The following GALNT9 variants were observed in gnomAD, a reference collection of about 807,000 sequenced individuals.
GALNT9 encodes polypeptide N-acetylgalactosaminyltransferase 9, also known as GalNAc transferase 9.
GALNT9 carries 47 observed loss-of-function variants against 63.1 expected under a neutral mutation model. The ratio of observed to expected loss-of-function variants is 0.75; its 90% confidence interval spans 0.59 to 0.95. The LOEUF is 0.95. GALNT9 is among the 40% of genes least tolerant of loss of function. The pLI is 0.00. For missense variants in GALNT9, 829 were observed against 874.8 expected (o/e 0.95, Z 0.66); for synonymous variants, 396 against 365.7 (o/e 1.08, Z -0.94).
Position 132,215,008 on chromosome 12 carries a change from G to A in GALNT9, c.1078-11318C>T, listed in dbSNP as rs868407964. ...GGCTGTGAGAGTGGAGAAACCTGCC[G>A]GCCTCTGTAGCACCCTCCGCTGGTG... On this transcript the variant is annotated intron_variant, in intron 6 of 10. Transcript: ENST00000328957. Among the ~76,000 whole-genome samples, 25 of 152,348 alleles carry A rather than the reference G, an allele frequency of 1.6e-4. 1 individual carries two copies. Among genetic ancestry groups the A allele is most frequent in the South Asian group, 1.5e-3 (7 of 4,826 alleles).
At chr12:132,239,659 CAGAGAGAGACAGAG>C (rs1878167157) in intron 6 of GALNT9, among the ~76,000 whole-genome samples, 1 of 148,330 alleles carries the variant, frequency 6.7e-6, no homozygotes, top group Non-Finnish European at 1.5e-5. Flanking sequence ...GAGTCAGAGA[CAGAGAGAGACAGAG>C]AGACAAAGAG....
In GALNT9 at chr12:132,207,641, C is replaced by T. The variant is rs181811425; in HGVS notation, c.1078-3951G>A. Among the ~76,000 whole-genome samples, 332 of 152,282 alleles carry T rather than the reference C, an allele frequency of 2.2e-3. 2 individuals are homozygous for T. Among genetic ancestry groups the T allele is most frequent in the African/African-American group, 7.5e-3 (313 of 41,560 alleles). On this transcript the variant is annotated intron_variant, in intron 6 of 10. Coordinates refer to ENST00000328957, the MANE Select transcript of GALNT9 (RefSeq NM_001122636.2). ...CTACGGGAGAGGCGAGGCTCCCGGG[C>T]GGTGGGAGTCGGCCAACTTCCATCA...
rs184949568 is a variant in GALNT9, at chr12:132,255,766, T to C, written c.959+1923A>G. Among the ~76,000 whole-genome samples the C allele has an allele frequency of 7.2e-5, 11 of 152,250 alleles. No homozygotes were observed. In the East Asian group the frequency reaches 1.9e-3, roughly 27 times the overall value. ...ATTCCTTCTCCCTAAAACATACACA[T>C]CCAGCAGGCTGCACGCCTGCACGCT... is the stretch of plus-strand genomic sequence containing the variant. On this transcript the variant is annotated intron_variant, in intron 5 of 10. Transcript: ENST00000328957.
chr12:132,257,985 G>C, intron 4 of GALNT9, 99 bp from the exon 5 acceptor site: 1 of 804,998 alleles, frequency 1.2e-6, no homozygotes, highest in Non-Finnish European at 2.0e-6. Flanking sequence ...TCCCCACCTG[G>C]TCTGCATCTA....
At chr12:132,312,083 A>C (rs79708202) in intron 1 of GALNT9, among the ~76,000 whole-genome samples, 22,749 of 152,212 alleles carry the variant, frequency 0.15, 1,927 homozygotes, top group South Asian at 0.24. Flanking sequence ...TTTTAAGATT[A>C]CCTGGGGACC....
At chr12:132,222,637 T>C (rs1042040384) in intron 6 of GALNT9, among the ~76,000 whole-genome samples, 6 of 151,892 alleles carry the variant, frequency 4.0e-5, no homozygotes, top group Non-Finnish European at 8.8e-5. Context: ...TCAGGCTNGT[T>C]AGCCACGGAG....
rs1173874958 is a variant in GALNT9 at position 132,196,539 on chromosome 12, G to C, written c.*568C>G. On this transcript the variant is annotated 3_prime_UTR_variant, in exon 11 of 11. Coordinates refer to ENST00000328957, the MANE Select transcript of GALNT9 (RefSeq NM_001122636.2). ...CTAATCCTCTCTTTATTTGGTCTCT[G>C]CTGAAGCAGTCGTGCCAGCCTCCTA... The C allele has an allele frequency of 2.0e-6, 2 of 986,380 alleles. No homozygotes were observed. The highest frequency in any genetic ancestry group is 2.4e-6 in the Non-Finnish European group (2 of 830,618). The allele number at this position is 986,380 out of a possible 1,614,324, so 61.1% of individuals were successfully genotyped here.
chr12:132,309,729 A>G (rs142678616), intron 1 of GALNT9, among the ~76,000 whole-genome samples: 1 of 152,204 alleles, frequency 6.6e-6, no homozygotes, highest in African/African-American at 2.4e-5. Flanking sequence ...CCTCCAGAAC[A>G]GAGAGAGCGT....
At chr12:132,202,678 C>T (rs1028680201) in intron 7 of GALNT9, among the ~76,000 whole-genome samples, 6 of 152,002 alleles carry the variant, frequency 3.9e-5, no homozygotes, top group Non-Finnish European at 7.3e-5. Flanking sequence ...CAGACAAGCC[C>T]GTTTCTAAGA....
chr12:132,313,676 ACC>A (rs1881903141), intron 1 of GALNT9, among the ~76,000 whole-genome samples: 1 of 128,918 alleles, frequency 7.8e-6, no homozygotes, highest in Non-Finnish European at 1.6e-5. Flanking sequence ...CCATCCACCC[ACC>A]CACCCATCCA....
At position 132,303,463 on chromosome 12, in the gene GALNT9, G is replaced by A. The variant is rs369914275; in HGVS notation, c.239-17033C>T. Among the ~76,000 whole-genome samples, 446 of 58,702 alleles carry A rather than the reference G, an allele frequency of 7.6e-3. 25 individuals are homozygous for A. The highest frequency in any genetic ancestry group is 0.024 in the Middle Eastern group (2 of 82). The allele number at this position is 58,702 out of a possible 152,430, so 38.5% of individuals were successfully genotyped here. Reference sequence around the variant, plus strand: ...CCCTCGCCCGGGCACACCCTCGCCCGGACACACCCTCACCCGGGCACAGAA... The same window carrying A: ...CCCTCGCCCGGGCACACCCTCGCCCAGACACACCCTCACCCGGGCACAGAA... On this transcript the variant is annotated intron_variant, in intron 1 of 10. Transcript: ENST00000328957.
At chr12:132,292,717 C>T (rs924567424) in intron 1 of GALNT9, among the ~76,000 whole-genome samples, 11 of 152,108 alleles carry the variant, frequency 7.2e-5, no homozygotes, top group Non-Finnish European at 1.6e-4. Flanking sequence ...GCGGGGCGTG[C>T]GAAGGAGGCA....
At chr12:132,280,542 G>A (rs1260038423) in intron 2 of GALNT9, 3 of 152,294 alleles carry the variant, frequency 2.0e-5, no homozygotes, top group Non-Finnish European at 4.4e-5. Flanking sequence ...AGCGGTTAGG[G>A]GAACGGGGCC....
chr12:132,197,750 G>GCCCCCCCCCCACCCCC, intron 10 of GALNT9, 42 bp downstream of exon 10: 6 of 1,266,492 alleles, frequency 4.7e-6, no homozygotes, highest in East Asian at 2.6e-5. Context: ...CAGCAGCCCT[G>GCCCCCCCCCCACCCCC]CCCCGCCCCA....
intron 1 of GALNT9, among the ~76,000 whole-genome samples, chr12:132,326,412 C>T (rs1869037810): frequency 6.6e-6 from 1 of 152,236 alleles, no homozygotes; most frequent in African/African-American, 2.4e-5. Context: ...GAACATCCCT[C>T]TGGGGCCTTA....
At chr12:132,203,913 TTCTTTC>T (rs1308308284) in intron 6 of GALNT9, among the ~76,000 whole-genome samples, 1 of 152,044 alleles carries the variant, frequency 6.6e-6, no homozygotes, top group Non-Finnish European at 1.5e-5. Flanking sequence ...TCTCTGGGAC[TTCTTTC>T]TCTTGTGCGT....
At chr12:132,209,066 G>T (rs564729849) in intron 6 of GALNT9, among the ~76,000 whole-genome samples, 1 of 152,148 alleles carries the variant, frequency 6.6e-6, no homozygotes, top group Non-Finnish European at 1.5e-5. Flanking sequence ...CAGCCAGGGC[G>T]GAAGTCCAAG....
intron 6 of GALNT9, among the ~76,000 whole-genome samples, chr12:132,217,309 CCATCCATTCACCCATCCATCCACCCACT>C (rs1877245313): frequency 6.6e-6 from 1 of 151,144 alleles, no homozygotes; most frequent in African/African-American, 2.4e-5. Flanking sequence ...AGCCATCAAT[CCATCCATTCACCCATCCATCCACCCACT>C]CATCCATCCA....
chr12:132,241,306 C>A (rs1555237086), intron 6 of GALNT9, among the ~76,000 whole-genome samples: 1 of 43,052 alleles, frequency 2.3e-5, no homozygotes, highest in Non-Finnish European at 4.7e-5. Context: ...CAACACACCC[C>A]CTTCCAGGGG....
Sources: allele counts gnomAD v4.1 joint callset (sites outside exome capture counted in the v4.1 genomes callset), GRCh38; gene constraint gnomAD v4.1.1; transcripts MANE v1.5; gene names NCBI Gene and HGNC (gene_info 2026-07-23, HGNC 2026-07-21).